GJC1: variants seen among roughly 807,000 people sequenced by gnomAD.
The protein encoded by GJC1 is gap junction protein gamma 1.
GJC1 carries 5 observed loss-of-function variants against 29.3 expected under a neutral mutation model. The ratio of observed to expected loss-of-function variants is 0.17; its 90% CI spans 0.09 to 0.36. The LOEUF (loss-of-function observed/expected upper bound fraction) is 0.36, where lower values mean the gene tolerates loss of function less well. GJC1 is among the 10% of genes least tolerant of loss of function. GJC1 has a pLI of 1.00. For synonymous variants in GJC1, 177 were observed against 183.3 expected (o/e 0.97, Z 0.28); for missense variants, 310 against 496.2 (o/e 0.62, Z 3.56).
chr17:44,828,705 A>T (rs1253747674), intron 1 of GJC1, among the ~76,000 whole-genome samples: 2 of 152,150 alleles, frequency 1.3e-5, no homozygotes, highest in East Asian at 1.9e-4. Context: ...AGTTTTTTTT[A>T]AATCAGTAAA....
intron 1 of GJC1, among the ~76,000 whole-genome samples, chr17:44,814,120 T>C (rs1269706064): frequency 6.6e-6 from 1 of 152,082 alleles, no homozygotes; most frequent in Non-Finnish European, 1.5e-5. Flanking sequence ...CTTGCTCCAC[T>C]GAAGTTTCCT....
At chr17:44,822,318 G>A (rs2050120024) in intron 1 of GJC1, among the ~76,000 whole-genome samples, 1 of 151,258 alleles carries the variant, frequency 6.6e-6, no homozygotes, top group Admixed American at 6.6e-5. Context: ...CGGGTATCAG[G>A]TTTCTTTTTG....
At chr17:44,812,061 TGCCAGCACTTTGGGA>T (rs1285868780) in intron 1 of GJC1, among the ~76,000 whole-genome samples, 1 of 150,854 alleles carries the variant, frequency 6.6e-6, no homozygotes, top group Non-Finnish European at 1.5e-5. Flanking sequence ...ATGCCTGTAA[TGCCAGCACTTTGGGA>T]GCCCAAGGCG....
Position 44,805,849 on chromosome 17 carries a change from G to A in GJC1, c.-20-12C>T. On this transcript the variant is annotated splice_polypyrimidine_tract_variant and intron_variant, in intron 2 of 2. Coordinates refer to ENST00000592524, the MANE Select transcript of GJC1 (RefSeq NM_005497.4). This position sits in a 1 kb window ranked among gnomAD's most constrained non-coding sequence, Gnocchi z 5.1. ...TGAATTGGTATGCCCTGATAAAAGT[G>A]GAAAAATACCAAAATAAAATCAACA... The A allele has an allele frequency of 3.3e-6, 4 of 1,194,786 alleles. No individual in the cohort carries two copies. Among genetic ancestry groups the A allele is most frequent in the South Asian group, 2.9e-5 (2 of 68,696 alleles). The allele number at this position is 1,194,786 out of a possible 1,614,324, so 74.0% of individuals were successfully genotyped here.
At chr17:44,818,539 C>T (rs2050069529) in intron 1 of GJC1, among the ~76,000 whole-genome samples, 1 of 150,146 alleles carries the variant, frequency 6.7e-6, no homozygotes, top group African/African-American at 2.4e-5. Flanking sequence ...GGCATGGTGG[C>T]TCACATCTGT....
At chr17:44,808,826 C>A (rs2337845) in intron 1 of GJC1, among the ~76,000 whole-genome samples, 21,205 of 152,138 alleles carry the variant, frequency 0.14, 1,570 homozygotes, top group African/African-American at 0.19. Context: ...GCCTGTAATT[C>A]CAGCACTTTG....
In GJC1 at chr17:44,828,038, C is replaced by A. The variant is rs192556113; in HGVS notation, c.-97+2024G>T. 2.6e-4 allele frequency among the ~76,000 whole-genome samples: 39 copies of A among 152,236 alleles called. No individual in the cohort carries two copies. The East Asian group carries it at 7.3e-3, about 29-fold the overall frequency. On this transcript the variant is annotated intron_variant, in intron 1 of 2. Transcript: ENST00000592524. The stretch of plus-strand genomic sequence containing the variant: ...GATGCTCTGGATTTAAATTATATAT[C>A]CTGTATTCTAAGATCCTCATTACTC...
chr17:44,796,610 A>G (rs1249705735), downstream of GJC1, among the ~76,000 whole-genome samples: 2 of 152,230 alleles, frequency 1.3e-5, no homozygotes, highest in Admixed American at 6.5e-5. Context: ...TATAATGTAC[A>G]TAAGAATCAC....
chr17:44,806,833 G>A (rs1348864261), intron 2 of GJC1, among the ~76,000 whole-genome samples: 2 of 151,904 alleles, frequency 1.3e-5, no homozygotes, highest in African/African-American at 2.4e-5. Flanking sequence ...ACCTCGGTTG[G>A]ACTCCACTGT....
intron 2 of GJC1, among the ~76,000 whole-genome samples, chr17:44,806,038 C>G (rs1376019520): frequency 6.6e-6 from 1 of 152,046 alleles, no homozygotes; most frequent in Non-Finnish European, 1.5e-5. Context: ...CTTTGGGAGG[C>G]CAAGGCGGGC....
At chr17:44,813,145 T>A (rs2050003282) in intron 1 of GJC1, 1 of 151,962 alleles carries the variant, frequency 6.6e-6, no homozygotes, top group East Asian at 1.9e-4. Context: ...CTCAGCTGAC[T>A]GTAGCCTCCG....
chr17:44,816,654 C>T (rs941344804), intron 1 of GJC1, among the ~76,000 whole-genome samples: 1 of 151,872 alleles, frequency 6.6e-6, no homozygotes, highest in African/African-American at 2.4e-5. Flanking sequence ...TACAGGCACT[C>T]GCCACCAGGC....
chr17:44,823,168 T>C (rs1006747180), intron 1 of GJC1, among the ~76,000 whole-genome samples: 3 of 151,740 alleles, frequency 2.0e-5, no homozygotes, highest in South Asian at 2.1e-4. Flanking sequence ...AGGATAAGAA[T>C]AGGGGTGTGT....
At chr17:44,822,723 G>C (rs1364493210) in intron 1 of GJC1, among the ~76,000 whole-genome samples, 1 of 148,860 alleles carries the variant, frequency 6.7e-6, no homozygotes, top group African/African-American at 2.5e-5. Context: ...GTACACTGAA[G>C]AAAGTCTAGG....
chr17:44,803,850 C>T lies in GJC1; in HGVS notation c.*777G>A, dbSNP rs1275830635. On this transcript the variant is annotated 3_prime_UTR_variant, in exon 3 of 3. Coordinates refer to ENST00000592524, the MANE Select transcript of GJC1 (RefSeq NM_005497.4). ...ACTGGGGACACGTTTCTGTATCAGG[C>T]TTTTGAAAGAACTTTAAGTTATATA... 6.6e-6 allele frequency: 1 copy of T among 152,122 alleles called. No individual in the cohort carries two copies. The highest frequency in any genetic ancestry group is 6.6e-5 in the Admixed American group (1 of 15,260). The allele number at this position is 152,122 out of a possible 1,614,324, so 9.4% of individuals were successfully genotyped here.
intron 1 of GJC1, among the ~76,000 whole-genome samples, chr17:44,817,694 G>T (rs981207413): frequency 3.3e-5 from 5 of 151,836 alleles, no homozygotes; most frequent in African/African-American, 1.2e-4. Flanking sequence ...TGGGCAACAA[G>T]AGTGAAACTC....
chr17:44,808,104 T>C (rs1006029834), intron 1 of GJC1, among the ~76,000 whole-genome samples: 1 of 152,152 alleles, frequency 6.6e-6, no homozygotes. Flanking sequence ...TCTGCATAGC[T>C]CTGGCCAAAT....
Position 44,801,491 on chromosome 17 carries a change from T to C in GJC1, c.*3136A>G, listed in dbSNP as rs2145289471. On this transcript the variant is annotated 3_prime_UTR_variant, in exon 3 of 3. Coordinates refer to ENST00000592524, the MANE Select transcript of GJC1 (RefSeq NM_005497.4). ...TCTGATGCGAGTGAGAACTAAATGT[T>C]GGACAGGCTTTTTATACAAATCCCA... 1 of 152,350 alleles carries C rather than the reference T, an allele frequency of 6.6e-6. No homozygotes were observed. Among genetic ancestry groups the C allele is most frequent in the East Asian group, 1.9e-4 (1 of 5,196 alleles). The allele number at this position is 152,350 out of a possible 1,614,324, so 9.4% of individuals were successfully genotyped here.
intron 1 of GJC1, among the ~76,000 whole-genome samples, chr17:44,815,192 A>AT (rs1396662784): frequency 6.6e-6 from 1 of 151,912 alleles, no homozygotes; most frequent in African/African-American, 2.4e-5. Flanking sequence ...ATTTTTTATT[A>AT]TTTTTTTGAG....
Sources: gnomAD v4.1 joint callset for allele counts (sites outside exome capture counted in the v4.1 genomes callset) on GRCh38, gnomAD v4.1.1 for gene constraint, Gnocchi (gnomAD v3.1) non-coding constraint, MANE v1.5 for transcripts, NCBI Gene and HGNC (gene_info 2026-07-23, HGNC 2026-07-21) for gene names.